The following AATF variants were observed in gnomAD, a reference collection of about 807,000 sequenced individuals.
The protein encoded by AATF is apoptosis antagonizing transcription factor, also known as protein AATF.
Under a neutral mutation model 63.7 loss-of-function variants are expected in AATF, and 48 were observed. That is an observed-to-expected ratio of 0.75 (90% confidence interval 0.60 to 0.96). The LOEUF (loss-of-function observed/expected upper bound fraction) is 0.96, where lower values mean the gene tolerates loss of function less well. Among genes scored for constraint, AATF ranks in the 40% least tolerant of loss-of-function variants. The pLI is 0.00. For missense variants in AATF, 639 were observed against 685.7 expected (o/e 0.93, Z 0.76); for synonymous variants, 258 against 247.7 (o/e 1.04, Z -0.39).
chr17:36,991,578 T>C (rs1597716127), intron 8 of AATF, among the ~76,000 whole-genome samples: 2 of 149,192 alleles, frequency 1.3e-5, no homozygotes, highest in African/African-American at 5.1e-5. Flanking sequence ...AGTCTCTTGA[T>C]AAGTTATACT....
chr17:37,040,715 T>TGGG (rs34017603), intron 11 of AATF, among the ~76,000 whole-genome samples: 6 of 147,006 alleles, frequency 4.1e-5, no homozygotes, highest in African/African-American at 1.5e-4. Flanking sequence ...AAAACTTATT[T>TGGG]GGGGGGGGGA....
At chr17:37,053,105 C>CA (rs1555656262) in intron 11 of AATF, among the ~76,000 whole-genome samples, 2 of 151,544 alleles carry the variant, frequency 1.3e-5, no homozygotes, top group African/African-American at 2.4e-5. Flanking sequence ...CTTATGTCTA[C>CA]AAAAAACAAA....
intron 11 of AATF, among the ~76,000 whole-genome samples, chr17:37,035,602 A>G (rs2071585918): frequency 6.7e-6 from 1 of 148,902 alleles, no homozygotes; most frequent in African/African-American, 2.5e-5. Context: ...GCAGTGGTGC[A>G]ATCTTGGCTC....
At chr17:36,953,684 T>A in intron 3 of AATF, 86 bp from the exon 4 acceptor site, 1 of 1,275,014 alleles carries the variant, frequency 7.8e-7, no homozygotes, top group Non-Finnish European at 1.1e-6. Context: ...GAGACTGGTG[T>A]GGTTTCCTGT....
chr17:37,044,345 G>T (rs2071670965), intron 11 of AATF, among the ~76,000 whole-genome samples: 1 of 152,048 alleles, frequency 6.6e-6, no homozygotes, highest in South Asian at 2.1e-4. Context: ...TTTGTTCTTA[G>T]CTCATGGCAA....
chr17:37,029,690 C>G (rs1381042233), intron 10 of AATF, among the ~76,000 whole-genome samples: 1 of 152,038 alleles, frequency 6.6e-6, no homozygotes, highest in Non-Finnish European at 1.5e-5. Context: ...CTCAGCCTCC[C>G]TATTTACTGG....
At chr17:37,016,370 T>C (rs1344240028) in intron 8 of AATF, among the ~76,000 whole-genome samples, 1 of 152,212 alleles carries the variant, frequency 6.6e-6, no homozygotes, top group African/African-American at 2.4e-5. Flanking sequence ...TTAGTCCTGT[T>C]CCTCATGTAT....
chr17:37,022,752 G>A lies in AATF; in HGVS notation c.1547+1738G>A, dbSNP rs552975096. On this transcript the variant is annotated intron_variant, in intron 10 of 11. Coordinates refer to ENST00000619387, the MANE Select transcript of AATF (RefSeq NM_012138.4). ...TGAATGGTTGCTGTGACGATTAAATGAATAGGGTGTGTATGGCTCTTAGAA... is the reference window on the plus strand; with the variant it reads ...TGAATGGTTGCTGTGACGATTAAATAAATAGGGTGTGTATGGCTCTTAGAA... Among the ~76,000 whole-genome samples the A allele has an allele frequency of 5.3e-5, 8 of 152,322 alleles. No homozygotes were observed. The South Asian group carries it at 1.7e-3, about 32-fold the overall frequency.
At chr17:36,981,543 A>G (rs1411797695) in intron 4 of AATF, among the ~76,000 whole-genome samples, 1 of 151,922 alleles carries the variant, frequency 6.6e-6, no homozygotes, top group Non-Finnish European at 1.5e-5. Context: ...TCCTGGGCTC[A>G]AGTGATCCTC....
chr17:36,972,907 G>A (rs1182811531), intron 4 of AATF, among the ~76,000 whole-genome samples: 4 of 151,960 alleles, frequency 2.6e-5, no homozygotes, highest in African/African-American at 7.3e-5. Flanking sequence ...CTTTTTTAGG[G>A]TCTTGCTCAT....
At chr17:37,007,733 A>T (rs2071353160) in intron 8 of AATF, among the ~76,000 whole-genome samples, 1 of 152,212 alleles carries the variant, frequency 6.6e-6, no homozygotes, top group African/African-American at 2.4e-5. Flanking sequence ...TCCAGCGAAG[A>T]GGACATGGCA....
At chr17:36,986,120 T>C (rs374071623) in intron 4 of AATF, among the ~76,000 whole-genome samples, 6 of 152,104 alleles carry the variant, frequency 3.9e-5, no homozygotes, top group Non-Finnish European at 8.8e-5. Flanking sequence ...TGAGATCTCC[T>C]GGGGGCAAGG....
Position 37,023,148 on chromosome 17 carries a change from GA to G in AATF, c.1547+2135del, listed in dbSNP as rs374912835. Among the ~76,000 whole-genome samples the G allele has an allele frequency of 1.8e-4, 27 of 152,268 alleles. No homozygotes were observed. The South Asian group carries it at 5.4e-3, about 30-fold the overall frequency. Reference sequence around the variant, plus strand: ...CGTTCAAACCCTGACTCTGTCTGGTGATATGATTTTGGTTGTTCTTTATTCT... The same window carrying G: ...CGTTCAAACCCTGACTCTGTCTGGTGTATGATTTTGGTTGTTCTTTATTCT... On this transcript the variant is annotated intron_variant, in intron 10 of 11. Transcript: ENST00000619387.
intron 11 of AATF, among the ~76,000 whole-genome samples, chr17:37,053,207 C>G (rs2071768465): frequency 6.6e-6 from 1 of 152,024 alleles, no homozygotes; most frequent in South Asian, 2.1e-4. Context: ...AGGGAAAAGC[C>G]TCATCCATAT....
At chr17:37,032,885 T>C (rs1177498223) in intron 11 of AATF, among the ~76,000 whole-genome samples, 1 of 152,230 alleles carries the variant, frequency 6.6e-6, no homozygotes, top group Non-Finnish European at 1.5e-5. Flanking sequence ...ATTGTCATCA[T>C]TGTAAATAAT....
chr17:37,030,639 C>T, intron 10 of AATF, among the ~76,000 whole-genome samples: 1 of 152,062 alleles, frequency 6.6e-6, no homozygotes, highest in East Asian at 1.9e-4. Flanking sequence ...TCCATAGTAC[C>T]TAGACTGAAG....
chr17:36,979,801 T>C (rs528597793), intron 4 of AATF, among the ~76,000 whole-genome samples: 1 of 152,294 alleles, frequency 6.6e-6, no homozygotes, highest in African/African-American at 2.4e-5. Flanking sequence ...CCCAAACTTA[T>C]TCCTCGCTTA....
chr17:36,957,749 A>T (rs377095187), intron 4 of AATF, among the ~76,000 whole-genome samples: 8 of 152,166 alleles, frequency 5.3e-5, no homozygotes, highest in African/African-American at 9.7e-5. Flanking sequence ...TCCGTTTAGA[A>T]TCCTGTCCTC....
In AATF at chr17:36,976,678, C is replaced by T. The variant is rs143631654; in HGVS notation, c.833-9939C>T. Among the ~76,000 whole-genome samples, 11 of 152,264 alleles carry T rather than the reference C, an allele frequency of 7.2e-5. No individual in the cohort carries two copies. The East Asian group carries it at 7.7e-4, about 11-fold the overall frequency. On this transcript the variant is annotated intron_variant, in intron 4 of 11. Transcript: ENST00000619387. Reference sequence around the variant, plus strand: ...TTACAGTTTCTGCTCTCAAGGAGCTCATAGTAAGGTGAAGCTGCTTTTAAA... The same window carrying T: ...TTACAGTTTCTGCTCTCAAGGAGCTTATAGTAAGGTGAAGCTGCTTTTAAA...
Sources: gnomAD v4.1 joint callset for allele counts (sites outside exome capture counted in the v4.1 genomes callset) on GRCh38, gnomAD v4.1.1 for gene constraint, MANE v1.5 for transcripts, NCBI Gene and HGNC (gene_info 2026-07-23, HGNC 2026-07-21) for gene names.